Variants in PSAP observed in about 807,000 individuals in gnomAD.
PSAP encodes prosaposin.
In PSAP, 25 loss-of-function variants were observed where a neutral mutation model predicts 66.0. The observed-to-expected ratio is 0.38, with a 90% CI of 0.28 to 0.53. The LOEUF (loss-of-function observed/expected upper bound fraction) is 0.53. PSAP is among the 20% of genes least tolerant of loss of function. The pLI, the probability that PSAP is intolerant of heterozygous loss-of-function variation, is 0.83. For synonymous variants in PSAP, 273 were observed against 258.9 expected, an observed-to-expected ratio of 1.05 and a Z score of -0.52; for missense variants, 649 against 668.8, an observed-to-expected ratio of 0.97 and a Z score of 0.33.
chr10:71,817,608 T>C, intron 13 of PSAP, 132 bp from the exon 14 acceptor site: 2 of 869,168 alleles, frequency 2.3e-6, no homozygotes, highest in South Asian at 2.7e-5. Flanking sequence ...CACCAGATGC[T>C]GAAGACCCAG....
chr10:71,830,117 T>C (rs1842483177), intron 4 of PSAP, among the ~76,000 whole-genome samples: 2 of 152,196 alleles, frequency 1.3e-5, no homozygotes, highest in South Asian at 4.1e-4. Context: ...ACACCTTCCA[T>C]ATGCTGATGG....
At chr10:71,821,333 C>T (rs1842297278) in intron 8 of PSAP, among the ~76,000 whole-genome samples, 2 of 152,252 alleles carry the variant, frequency 1.3e-5, no homozygotes, top group Admixed American at 1.3e-4. Context: ...ATCTGTTCAC[C>T]ACAGCCCCTA....
At chr10:71,834,342 C>T (rs201721580) in intron 2 of PSAP, 30 bp downstream of exon 2, 17 of 1,612,498 alleles carry the variant, frequency 1.1e-5, no homozygotes, top group East Asian at 8.9e-5. Flanking sequence ...AGGAGTGCTG[C>T]GGCTGGGACT....
intron 1 of PSAP, among the ~76,000 whole-genome samples, chr10:71,842,995 T>C (rs1244088031): frequency 6.6e-6 from 1 of 152,156 alleles, no homozygotes; most frequent in Non-Finnish European, 1.5e-5. Context: ...GCTAAGCACC[T>C]GTTATGTGCC....
intron 13 of PSAP, among the ~76,000 whole-genome samples, 191 bp downstream of exon 13, chr10:71,818,426 A>G (rs1434822323): frequency 2.0e-5 from 3 of 152,214 alleles, no homozygotes; most frequent in Admixed American, 6.5e-5. Context: ...ACCCTTCACT[A>G]CAAGAGTGTA....
chr10:71,822,095 C>G, intron 7 of PSAP, 88 bp from the exon 8 acceptor site: 1 of 1,591,568 alleles, frequency 6.3e-7, no homozygotes, highest in Non-Finnish European at 8.6e-7. Flanking sequence ...GGGAGCTGGA[C>G]AGCACCCTGG....
At chr10:71,836,254 A>C (rs1018535380) in intron 1 of PSAP, among the ~76,000 whole-genome samples, 1 of 152,148 alleles carries the variant, frequency 6.6e-6, no homozygotes, top group East Asian at 1.9e-4. Context: ...TGCCAGATGC[A>C]AATCAGTACC....
At chr10:71,837,343 C>T (rs1255730411) in intron 1 of PSAP, among the ~76,000 whole-genome samples, 1 of 152,224 alleles carries the variant, frequency 6.6e-6, no homozygotes, top group South Asian at 2.1e-4. Flanking sequence ...GAGCTCCCAG[C>T]CGCCAAGAGG....
In PSAP at chr10:71,818,758, A is replaced by G. The variant is rs748197074; in HGVS notation, c.1432-34T>C. On this transcript the variant is annotated intron_variant, in intron 12 of 13. Coordinates refer to ENST00000394936, the MANE Select transcript of PSAP (RefSeq NM_002778.4). ...TGAGAAAAGGAAAGAAGAAAGGGGG[A>G]GAATGAGAGCTGCCCGATGTATCGC... The G allele has an allele frequency of 3.2e-6, 5 of 1,544,098 alleles. No homozygotes were observed. In the East Asian group the frequency reaches 1.1e-4, roughly 35 times the overall value.
chr10:71,842,609 G>A (rs1303167711), intron 1 of PSAP, among the ~76,000 whole-genome samples: 1 of 151,950 alleles, frequency 6.6e-6, no homozygotes, highest in Non-Finnish European at 1.5e-5. Flanking sequence ...AAAGTGGGAG[G>A]GATAATTTCC....
At position 71,817,381 on chromosome 10, in the gene PSAP, G is replaced by A; in HGVS notation, c.*60C>T. 1.9e-6 allele frequency: 3 copies of A among 1,545,120 alleles called. No homozygotes were observed. Among genetic ancestry groups the A allele is most frequent in the Admixed American group, 1.7e-5 (1 of 59,944 alleles). ...ACAGATCTGTGCGTTCATTCCCCCAGACACACAAGTAGAAAAAAACCAATG... is the reference window on the plus strand; with the variant it reads ...ACAGATCTGTGCGTTCATTCCCCCAAACACACAAGTAGAAAAAAACCAATG... On this transcript the variant is annotated 3_prime_UTR_variant, in exon 14 of 14. Coordinates refer to ENST00000394936, the MANE Select transcript of PSAP (RefSeq NM_002778.4).
At chr10:71,819,367 G>C (rs1021357674) in intron 11 of PSAP, 98 bp downstream of exon 11, 3 of 1,534,838 alleles carry the variant, frequency 2.0e-6, no homozygotes, top group Non-Finnish European at 2.7e-6. Context: ...ATGCCCGGAG[G>C]CAGAAACAGC....
In PSAP at chr10:71,817,460, T is replaced by G; in HGVS notation, c.1556A>C (p.Lys519Thr). 6.2e-7 allele frequency: 1 copy of G among 1,614,202 alleles called. No homozygotes were observed. The highest frequency in any genetic ancestry group is 8.5e-7 in the Non-Finnish European group (1 of 1,180,018). Residue 519 changes from lysine (K) to threonine (T), a missense_variant, in exon 14 of 14, where the codon AAA becomes ACA. Coordinates refer to ENST00000394936, the MANE Select transcript of PSAP (RefSeq NM_002778.4). ...CTCCTCCTAGTTCCACACATGGCGT[T>G]TGCAATGCTCGACAGCCTGGTAGGA... is the stretch of plus-strand genomic sequence containing the variant. ...AAQCNAVEHC[K>T]RHVWN is the part of the protein sequence containing the mutation.
Position 71,819,012 on chromosome 10 carries a change from A to G in PSAP, c.1431+19T>C. ...GGTTACAGCTGCCCGAGAGGACCACACCACCCAGTGAGGCTCACCAAGCAC... is the reference window on the plus strand; with the variant it reads ...GGTTACAGCTGCCCGAGAGGACCACGCCACCCAGTGAGGCTCACCAAGCAC... On this transcript the variant is annotated intron_variant, in intron 12 of 13. Coordinates refer to ENST00000394936, the MANE Select transcript of PSAP (RefSeq NM_002778.4). 6.2e-7 allele frequency: 1 copy of G among 1,610,786 alleles called. No individual in the cohort carries two copies. Among genetic ancestry groups the G allele is most frequent in the South Asian group, 1.1e-5 (1 of 90,978 alleles).
At chr10:71,831,580 A>G (rs1842518598) in intron 3 of PSAP, among the ~76,000 whole-genome samples, 1 of 152,228 alleles carries the variant, frequency 6.6e-6, no homozygotes, top group African/African-American at 2.4e-5. Flanking sequence ...GGGGTCAGCA[A>G]AGTAGGCCCT....
At chr10:71,839,674 C>A (rs1221065900) in intron 1 of PSAP, among the ~76,000 whole-genome samples, 3 of 151,782 alleles carry the variant, frequency 2.0e-5, no homozygotes, top group Non-Finnish European at 4.4e-5. Flanking sequence ...GGCAACACGA[C>A]AAAACCCCAT....
intron 1 of PSAP, among the ~76,000 whole-genome samples, chr10:71,846,405 C>T (rs1021689568): frequency 2.1e-5 from 3 of 145,190 alleles, no homozygotes; most frequent in African/African-American, 7.8e-5. Flanking sequence ...CTGTATTTAT[C>T]ATCATTGTTT....
chr10:71,841,833 T>C (rs912227215), intron 1 of PSAP, among the ~76,000 whole-genome samples: 2 of 152,040 alleles, frequency 1.3e-5, no homozygotes, highest in Non-Finnish European at 2.9e-5. Flanking sequence ...CAGTGAAACC[T>C]GGTCTCTACT....
At chr10:71,836,325 C>A (rs968956457) in intron 1 of PSAP, among the ~76,000 whole-genome samples, 1 of 152,094 alleles carries the variant, frequency 6.6e-6, no homozygotes. Context: ...GCATGGCTGG[C>A]GCCAGCCTCA....
Sources: allele counts gnomAD v4.1 joint callset (sites outside exome capture counted in the v4.1 genomes callset), GRCh38; gene constraint gnomAD v4.1.1; transcripts MANE v1.5; gene names NCBI Gene and HGNC (gene_info 2026-07-23, HGNC 2026-07-21).